Variants in ZFPM1 observed in about 807,000 individuals in gnomAD.
ZFPM1 encodes zinc finger protein ZFPM1.
A neutral mutation model predicts 46.3 loss-of-function variants in ZFPM1; 28 were observed. The ratio of observed to expected loss-of-function variants is 0.60; its 90% CI spans 0.45 to 0.83. The LOEUF (loss-of-function observed/expected upper bound fraction) is 0.83, where lower values mean the gene tolerates loss of function less well. Ranked by LOEUF, ZFPM1 falls within the 40% of genes least tolerant of loss-of-function variation. ZFPM1 has a pLI of 0.00. For missense variants in ZFPM1, 1,878 were observed against 1,432.4 expected, an observed-to-expected ratio of 1.31 and a Z score of -5.02; for synonymous variants, 957 against 675.9, an observed-to-expected ratio of 1.42 and a Z score of -6.45.
At chr16:88,491,256 C>T (rs538252544) in intron 3 of ZFPM1, among the ~76,000 whole-genome samples, 4 of 152,260 alleles carry the variant, frequency 2.6e-5, no homozygotes, top group African/African-American at 9.6e-5. Context: ...TAGCGGGTAG[C>T]AGGGAGGGCG....
intron 1 of ZFPM1, among the ~76,000 whole-genome samples, chr16:88,458,884 G>T (rs1186376237): frequency 6.6e-6 from 1 of 152,158 alleles, no homozygotes; most frequent in South Asian, 2.1e-4. Flanking sequence ...CTGCAAAGGG[G>T]TCATCTGCGC....
intron 3 of ZFPM1, among the ~76,000 whole-genome samples, chr16:88,493,828 G>C (rs1909769480): frequency 6.6e-6 from 1 of 152,140 alleles, no homozygotes; most frequent in Non-Finnish European, 1.5e-5. Context: ...GGCACTCAGT[G>C]GGTGCTGGTT....
chr16:88,511,757 TGC>T (rs1484963523), intron 3 of ZFPM1, among the ~76,000 whole-genome samples: 1 of 152,232 alleles, frequency 6.6e-6, no homozygotes, highest in African/African-American at 2.4e-5. Context: ...ACAGGTCGAA[TGC>T]TGCACAAGGG....
In ZFPM1 at chr16:88,460,140, T is replaced by C. The variant is rs113903713; in HGVS notation, c.40+6462T>C. 1.6e-3 allele frequency among the ~76,000 whole-genome samples: 241 copies of C among 152,148 alleles called. 5 individuals are homozygous for C. Among genetic ancestry groups the C allele is most frequent in the African/African-American group, 5.4e-3 (225 of 41,528 alleles). ...CGAAGGCAGCGAGGAGGGGCTGAGA[T>C]GATGCTCCTGCCTGTGCCTGTCCAC... On this transcript the variant is annotated intron_variant, in intron 1 of 9. Transcript: ENST00000319555.
intron 2 of ZFPM1, among the ~76,000 whole-genome samples, chr16:88,486,743 A>C (rs1449853952): frequency 7.6e-6 from 1 of 132,048 alleles, no homozygotes; most frequent in African/African-American, 3.0e-5. Flanking sequence ...TGCACAGCGG[A>C]TGGGTGCTGG....
intron 1 of ZFPM1, among the ~76,000 whole-genome samples, chr16:88,467,049 C>T (rs1299520434): frequency 2.0e-5 from 3 of 152,136 alleles, no homozygotes; most frequent in East Asian, 1.9e-4. Context: ...GCCCGCAGCC[C>T]ACCCTCCCTG....
chr16:88,502,327 C>T (rs1910410143), intron 3 of ZFPM1, among the ~76,000 whole-genome samples: 1 of 151,956 alleles, frequency 6.6e-6, no homozygotes, highest in South Asian at 2.1e-4. Context: ...AGGGTGCCTC[C>T]CACCCCGGCC....
intron 4 of ZFPM1, among the ~76,000 whole-genome samples, chr16:88,523,478 G>A (rs537814550): frequency 3.3e-5 from 5 of 152,246 alleles, no homozygotes; most frequent in South Asian, 2.1e-4. Context: ...GGGTGGCCCC[G>A]GGCTGGCTTC....
At chr16:88,524,263 G>T (rs1378777157) in intron 4 of ZFPM1, among the ~76,000 whole-genome samples, 2 of 152,204 alleles carry the variant, frequency 1.3e-5, no homozygotes, top group Admixed American at 1.3e-4. Context: ...TGCCCGCCTG[G>T]CTCGGGAGCA....
chr16:88,533,042 C>T, intron 9 of ZFPM1, 106 bp from the exon 10 acceptor site: 2 of 1,507,726 alleles, frequency 1.3e-6, no homozygotes, highest in East Asian at 4.8e-5. Flanking sequence ...AGCCTTCGCT[C>T]TAAACCACTC....
Position 88,534,022 on chromosome 16 carries a change from C to A in ZFPM1, c.2064C>A (p.Cys688Ter). ...DDPSRTLCEACNIRFSRHETY... is the reference protein window; with the variant it reads ...DDPSRTLCEA ...CCAGCCGCACGCTGTGCGAGGCCTG[C>A]AACATCCGCTTCAGCCGCCACGAGA... is the stretch of plus-strand genomic sequence containing the variant. Residue 688 changes from cysteine (C) to a stop codon, truncating the protein, a stop_gained, in exon 10 of 10, where the codon TGC becomes TGA. Coordinates refer to ENST00000319555, the MANE Select transcript of ZFPM1 (RefSeq NM_153813.3). LOFTEE classifies it low-confidence loss of function (END_TRUNC). 7.4e-7 allele frequency: 1 copy of A among 1,349,544 alleles called. No individual in the cohort carries two copies. The highest frequency in any genetic ancestry group is 9.7e-7 in the Non-Finnish European group (1 of 1,035,474). 83.6% of individuals were successfully genotyped at this position (1,349,544 alleles called of 1,614,324 possible).
chr16:88,533,467 G>A lies in ZFPM1; in HGVS notation c.1509G>A (p.Glu503=). The part of the protein sequence containing the change: ...RSPAPARVKA[E]LSSPTPGSSP... ...CCGCCCCGGCCAGGGTCAAGGCCGA[G>A]CTGTCCAGCCCCACGCCGGGCTCCA... Residue 503 remains glutamate (E), a synonymous_variant, in exon 10 of 10, where the codon GAG becomes GAA. Transcript: ENST00000319555. 1 of 1,430,814 alleles carries A rather than the reference G, an allele frequency of 7.0e-7. No homozygotes were observed. The highest frequency in any genetic ancestry group is 9.1e-7 in the Non-Finnish European group (1 of 1,100,128). The allele number at this position is 1,430,814 out of a possible 1,614,324, so 88.6% of individuals were successfully genotyped here. A position where few individuals can be genotyped will look rare whatever the true frequency, so the allele number is the denominator to read the frequency against.
chr16:88,503,647 G>C (rs924308433), intron 3 of ZFPM1, among the ~76,000 whole-genome samples: 1 of 152,168 alleles, frequency 6.6e-6, no homozygotes. Flanking sequence ...TGGGGTGATC[G>C]GTGCCATGGC....
At chr16:88,525,004 G>A (rs1432422810) in intron 4 of ZFPM1, among the ~76,000 whole-genome samples, 1 of 152,250 alleles carries the variant, frequency 6.6e-6, no homozygotes, top group Non-Finnish European at 1.5e-5. Flanking sequence ...TGTGGTAGCA[G>A]GCAGGTGACG....
chr16:88,486,216 TG>T (rs1193335288), intron 2 of ZFPM1, among the ~76,000 whole-genome samples, 173 bp downstream of exon 2: 2 of 152,148 alleles, frequency 1.3e-5, no homozygotes, highest in African/African-American at 4.8e-5. Flanking sequence ...TCGGTGGGGC[TG>T]GGGGGTCTCC....
chr16:88,499,754 C>T (rs192833899), intron 3 of ZFPM1, among the ~76,000 whole-genome samples: 83 of 152,272 alleles, frequency 5.5e-4, no homozygotes, highest in African/African-American at 1.9e-3. Context: ...AGCCACCCCA[C>T]CCCCATGCTG....
At chr16:88,487,648 G>C (rs552928628) in intron 2 of ZFPM1, among the ~76,000 whole-genome samples, 152 of 152,256 alleles carry the variant, frequency 1.0e-3, no homozygotes, top group African/African-American at 3.5e-3. Context: ...CCCCACCCCA[G>C]CATTTCCCAG....
intron 3 of ZFPM1, among the ~76,000 whole-genome samples, chr16:88,499,334 T>C (rs548713417): frequency 6.6e-6 from 1 of 152,336 alleles, no homozygotes; most frequent in South Asian, 2.1e-4. Flanking sequence ...AGCCCTGTGA[T>C]AGACAGGGGG....
intron 1 of ZFPM1, among the ~76,000 whole-genome samples, chr16:88,460,506 C>G (rs1179114591): frequency 6.6e-6 from 1 of 152,228 alleles, no homozygotes; most frequent in African/African-American, 2.4e-5. Context: ...AAGTCCTGCC[C>G]TGGTGCGAGG....
Sources: allele counts gnomAD v4.1 joint callset (sites outside exome capture counted in the v4.1 genomes callset), GRCh38; gene constraint gnomAD v4.1.1; transcripts MANE v1.5; gene names NCBI Gene and HGNC (gene_info 2026-07-23, HGNC 2026-07-21).